NELL1: variants seen among roughly 807,000 people sequenced by gnomAD.
NELL1 encodes the protein neural EGFL like 1, also known as protein kinase C-binding protein NELL1.
Under a neutral mutation model 107.4 loss-of-function variants are expected in NELL1, and 76 were observed. The observed-to-expected ratio is 0.71, with a 90% CI of 0.59 to 0.86. NELL1 has a LOEUF of 0.86. Ranked by LOEUF, NELL1 falls within the 40% of genes least tolerant of loss-of-function variation. The pLI is 0.00. For missense variants in NELL1, 1,024 were observed against 1,005.5 expected (o/e 1.02, Z -0.25); for synonymous variants, 353 against 341.2 (o/e 1.03, Z -0.38).
chr11:21,162,240 C>A (rs560548713), intron 13 of NELL1, among the ~76,000 whole-genome samples: 3 of 152,040 alleles, frequency 2.0e-5, no homozygotes, highest in Non-Finnish European at 4.4e-5. Flanking sequence ...TGAGCCACTG[C>A]GCCCGGCCTG....
intron 14 of NELL1, among the ~76,000 whole-genome samples, chr11:21,278,927 A>G (rs1413940439): frequency 6.6e-6 from 1 of 152,188 alleles, no homozygotes; most frequent in East Asian, 1.9e-4. Context: ...GATGAAGAAT[A>G]GACAAACAAG....
chr11:21,116,013 C>T (rs544424418), intron 13 of NELL1, among the ~76,000 whole-genome samples: 1 of 152,018 alleles, frequency 6.6e-6, no homozygotes, highest in East Asian at 1.9e-4. Context: ...TCTTAATTTG[C>T]CTGTGGTTAT....
intron 15 of NELL1, among the ~76,000 whole-genome samples, chr11:21,495,358 A>T (rs1418661847): frequency 2.0e-5 from 3 of 152,146 alleles, no homozygotes; most frequent in Non-Finnish European, 4.4e-5. Flanking sequence ...TTATGGCCGA[A>T]TAATATTCTA....
At chr11:21,284,321 C>T (rs1192446657) in intron 14 of NELL1, 1 of 457,312 alleles carries the variant, frequency 2.2e-6, no homozygotes, top group Admixed American at 2.3e-5. Context: ...CAATCTGGAG[C>T]ATGAGAGTGT....
At chr11:21,015,332 G>A (rs192531620) in intron 12 of NELL1, among the ~76,000 whole-genome samples, 84 of 152,230 alleles carry the variant, frequency 5.5e-4, no homozygotes, top group Non-Finnish European at 9.3e-4. Context: ...CGTCCTCGCC[G>A]TTGAAATTAT....
intron 13 of NELL1, among the ~76,000 whole-genome samples, chr11:21,148,433 G>A (rs1463926522): frequency 1.1e-4 from 17 of 152,278 alleles, no homozygotes; most frequent in Admixed American, 1.1e-3. Flanking sequence ...ATCAGGAAAA[G>A]CATGTGTTCC....
chr11:21,522,525 C>A (rs1025963090), intron 15 of NELL1, among the ~76,000 whole-genome samples: 1 of 151,990 alleles, frequency 6.6e-6, no homozygotes, highest in African/African-American at 2.4e-5. Context: ...TACACATGAA[C>A]GTACAATGTG....
chr11:21,376,477 T>C (rs1369933546), intron 15 of NELL1, among the ~76,000 whole-genome samples: 1 of 152,088 alleles, frequency 6.6e-6, no homozygotes, highest in East Asian at 1.9e-4. Flanking sequence ...TGTCAGGTAG[T>C]GTGTGATGCC....
intron 15 of NELL1, among the ~76,000 whole-genome samples, chr11:21,461,143 T>C (rs894465816): frequency 6.6e-6 from 1 of 152,058 alleles, no homozygotes; most frequent in African/African-American, 2.4e-5. Flanking sequence ...CAATCACTTA[T>C]GAAACAGAGA....
At chr11:21,154,764 A>T (rs1856194169) in intron 13 of NELL1, among the ~76,000 whole-genome samples, 1 of 152,152 alleles carries the variant, frequency 6.6e-6, no homozygotes, top group Non-Finnish European at 1.5e-5. Flanking sequence ...TGGGTATCCC[A>T]AGCAGTGAAA....
intron 15 of NELL1, among the ~76,000 whole-genome samples, chr11:21,398,652 T>C (rs1381195983): frequency 1.3e-5 from 2 of 151,714 alleles, no homozygotes; most frequent in Non-Finnish European, 2.9e-5. Context: ...AGAACAGAGA[T>C]TCTGTTCCTA....
intron 3 of NELL1, among the ~76,000 whole-genome samples, chr11:20,826,625 T>G (rs185332341): frequency 6.6e-6 from 1 of 151,242 alleles, no homozygotes. Flanking sequence ...TATTTTTTAT[T>G]GCACAATTCT....
Position 20,783,750 on chromosome 11 carries a change from T to C in NELL1, c.255T>C (p.Ser85=). The C allele has an allele frequency of 6.2e-7, 1 of 1,613,860 alleles. No individual in the cohort carries two copies. The highest frequency in any genetic ancestry group is 8.5e-7 in the Non-Finnish European group (1 of 1,179,910). ...TAATTCAGCTGTTCCGGAACAAGAG[T>C]GAATTCACCATTTTGGCCACTGTAC... ...EKLIQLFRNK[S]EFTILATVQQ... is the part of the protein sequence containing the mutation. The change falls in exon 3 of 20, where the codon AGT becomes AGC. Residue 85 remains serine, a synonymous_variant. Coordinates refer to ENST00000357134, the MANE Select transcript of NELL1 (RefSeq NM_006157.5).
At chr11:21,257,178 A>G (rs1158796260) in intron 14 of NELL1, among the ~76,000 whole-genome samples, 2 of 151,912 alleles carry the variant, frequency 1.3e-5, no homozygotes, top group African/African-American at 4.8e-5. Flanking sequence ...GTAAGAATAT[A>G]TTAGAATAGA....
At chr11:21,142,851 T>C (rs1361669313) in intron 13 of NELL1, among the ~76,000 whole-genome samples, 1 of 152,182 alleles carries the variant, frequency 6.6e-6, no homozygotes, top group East Asian at 1.9e-4. Context: ...GATCACTATT[T>C]TGTGTTGCTG....
chr11:21,364,943 T>C (rs1851182941), intron 14 of NELL1, among the ~76,000 whole-genome samples: 2 of 152,208 alleles, frequency 1.3e-5, no homozygotes, highest in African/African-American at 4.8e-5. Flanking sequence ...CTTTTCATTT[T>C]CTTCTATTAA....
At chr11:20,800,233 T>C (rs1211608514) in intron 3 of NELL1, among the ~76,000 whole-genome samples, 1 of 152,220 alleles carries the variant, frequency 6.6e-6, no homozygotes, top group African/African-American at 2.4e-5. Flanking sequence ...GGATTGCTGG[T>C]TCAAATGGTA....
intron 16 of NELL1, among the ~76,000 whole-genome samples, chr11:21,542,365 A>G (rs1162583525): frequency 6.6e-6 from 1 of 152,038 alleles, no homozygotes; most frequent in Non-Finnish European, 1.5e-5. Flanking sequence ...ATGGGCTCAT[A>G]GGTAGAGGAG....
At chr11:20,834,059 T>G (rs1221427714) in intron 3 of NELL1, among the ~76,000 whole-genome samples, 1 of 152,194 alleles carries the variant, frequency 6.6e-6, no homozygotes, top group Non-Finnish European at 1.5e-5. Context: ...GATTCTTGTT[T>G]TAAAAAGGTA....
Sources: allele counts gnomAD v4.1 joint callset (sites outside exome capture counted in the v4.1 genomes callset), GRCh38; gene constraint gnomAD v4.1.1; transcripts MANE v1.5; gene names NCBI Gene and HGNC (gene_info 2026-07-23, HGNC 2026-07-21).